The following FRAS1 variants were observed in gnomAD, a reference collection of about 807,000 sequenced individuals.
FRAS1 encodes extracellular matrix organizing protein FRAS1.
A neutral mutation model predicts 435.2 loss-of-function variants in FRAS1; 290 were observed. That is an observed-to-expected ratio of 0.67 (90% confidence interval 0.61 to 0.73). The LOEUF is 0.73. Ranked by LOEUF, FRAS1 falls within the 30% of genes least tolerant of loss-of-function variation. The probability of loss-of-function intolerance (pLI) is 0.00; values close to 1 mark genes in which losing one functional copy is unlikely to be tolerated. For synonymous variants in FRAS1, 1,800 were observed against 1,851.0 expected (o/e 0.97, Z 0.71); for missense variants, 4,860 against 5,001.5 (o/e 0.97, Z 0.85).
At chr4:78,460,716 T>A (rs1578338029) in intron 47 of FRAS1, among the ~76,000 whole-genome samples, 1 of 152,372 alleles carries the variant, frequency 6.6e-6, no homozygotes, top group Non-Finnish European at 1.5e-5. Flanking sequence ...CTGTGCAACA[T>A]GTTACTGTAC....
intron 29 of FRAS1, among the ~76,000 whole-genome samples, chr4:78,391,710 T>C (rs575121352): frequency 6.6e-6 from 1 of 152,306 alleles, no homozygotes; most frequent in East Asian, 1.9e-4. Flanking sequence ...TCCCCAAGTG[T>C]CATGCTAGGA....
intron 2 of FRAS1, among the ~76,000 whole-genome samples, chr4:78,128,616 G>T (rs1369196976): frequency 6.6e-6 from 1 of 152,034 alleles, no homozygotes; most frequent in African/African-American, 2.4e-5. Flanking sequence ...TTTTTTTCTT[G>T]TAAATTTGTT....
chr4:78,282,457 C>T, intron 11 of FRAS1, among the ~76,000 whole-genome samples: 1 of 152,186 alleles, frequency 6.6e-6, no homozygotes, highest in Middle Eastern at 3.2e-3. Context: ...ACCTGCTAAT[C>T]ACCAGCTACA....
At chr4:78,456,145 T>TTTC (rs1560738490) in intron 47 of FRAS1, among the ~76,000 whole-genome samples, 3 of 138,426 alleles carry the variant, frequency 2.2e-5, no homozygotes, top group Non-Finnish European at 3.1e-5. Flanking sequence ...TCACTTTTTT[T>TTTC]TTTTTTTTTT....
At position 78,069,072 on chromosome 4, in the gene FRAS1, C is replaced by T. The variant is rs377326773; in HGVS notation, c.108+3056C>T. Among the ~76,000 whole-genome samples the T allele has an allele frequency of 1.1e-3, 162 of 152,236 alleles. 1 individual carries two copies. The highest frequency in any genetic ancestry group is 3.9e-3 in the African/African-American group (160 of 41,540). ...TGACAAAGGCTTCTAGTGTAAGAGGCGTCATTTTCAAGAGCTGGCTCTGAG... is the reference window on the plus strand; with the variant it reads ...TGACAAAGGCTTCTAGTGTAAGAGGTGTCATTTTCAAGAGCTGGCTCTGAG... On this transcript the variant is annotated intron_variant, in intron 2 of 73. Coordinates refer to ENST00000512123, the MANE Select transcript of FRAS1 (RefSeq NM_025074.7).
intron 14 of FRAS1, among the ~76,000 whole-genome samples, chr4:78,294,975 A>G (rs910506093): frequency 2.6e-5 from 4 of 152,218 alleles, no homozygotes; most frequent in Non-Finnish European, 5.9e-5. Context: ...CTAATTTATA[A>G]AGATATCTTT....
chr4:78,517,289 C>A (rs1374881980), intron 66 of FRAS1, among the ~76,000 whole-genome samples: 1 of 152,156 alleles, frequency 6.6e-6, no homozygotes, highest in Non-Finnish European at 1.5e-5. Context: ...ATCGGTTTTC[C>A]ATTTCTCCAG....
intron 2 of FRAS1, among the ~76,000 whole-genome samples, chr4:78,137,246 T>G (rs1237462634): frequency 6.6e-6 from 1 of 152,196 alleles, no homozygotes; most frequent in African/African-American, 2.4e-5. Context: ...AGCTCCTACA[T>G]GATCATAGTC....
chr4:78,114,831 T>G (rs1406148333), intron 2 of FRAS1, among the ~76,000 whole-genome samples: 2 of 152,238 alleles, frequency 1.3e-5, no homozygotes, highest in African/African-American at 4.8e-5. Flanking sequence ...TTCCTTCTCC[T>G]GCCTGATTGC....
At chr4:78,462,581 A>G (rs1352379203) in intron 47 of FRAS1, among the ~76,000 whole-genome samples, 3 of 152,200 alleles carry the variant, frequency 2.0e-5, no homozygotes, top group Non-Finnish European at 2.9e-5. Context: ...GTGAGAATCC[A>G]GATGAGATTT....
chr4:78,376,363 T>A (rs1560690491), intron 26 of FRAS1, among the ~76,000 whole-genome samples: 1 of 152,196 alleles, frequency 6.6e-6, no homozygotes, highest in Non-Finnish European at 1.5e-5. Context: ...GTGAGTGTAC[T>A]GAATACTGTA....
rs117022458 is a variant in FRAS1, at chr4:78,434,512, C to A, written c.5217+1908C>A. On this transcript the variant is annotated intron_variant, in intron 38 of 73. Coordinates refer to ENST00000512123, the MANE Select transcript of FRAS1 (RefSeq NM_025074.7). ...CGGTAATAGCATTTCTATGAACCAGCCAAAAATAAAATTATTTGAAATATG... is the reference window on the plus strand; with the variant it reads ...CGGTAATAGCATTTCTATGAACCAGACAAAAATAAAATTATTTGAAATATG... Among the ~76,000 whole-genome samples the A allele has an allele frequency of 4.6e-3, 706 of 152,050 alleles. 10 individuals are homozygous for A. The highest frequency in any genetic ancestry group is 0.024 in the East Asian group (123 of 5,178).
chr4:78,370,457 A>T (rs991610249), intron 23 of FRAS1, among the ~76,000 whole-genome samples: 4 of 152,212 alleles, frequency 2.6e-5, no homozygotes, highest in Non-Finnish European at 5.9e-5. Flanking sequence ...TTGGATATGT[A>T]TCCTGACAGT....
chr4:78,443,997 C>T (rs1178875432), intron 41 of FRAS1: 2 of 347,666 alleles, frequency 5.8e-6, no homozygotes, highest in Non-Finnish European at 1.1e-5. Flanking sequence ...TACAGGCATC[C>T]GCCATCATGC....
intron 38 of FRAS1, among the ~76,000 whole-genome samples, chr4:78,437,051 A>G (rs1454799272): frequency 1.3e-5 from 2 of 152,220 alleles, no homozygotes; most frequent in South Asian, 2.1e-4. Flanking sequence ...TACCTCCAGT[A>G]TCTGGGATAT....
At chr4:78,181,384 A>AGATCC in intron 2 of FRAS1, 1 of 1,611,954 alleles carries the variant, frequency 6.2e-7, no homozygotes, top group East Asian at 2.2e-5. Flanking sequence ...CCCAGTTGTG[A>AGATCC]GATCCGCTAC....
At chr4:78,187,344 C>T (rs11098084) in intron 2 of FRAS1, among the ~76,000 whole-genome samples, 78,217 of 151,998 alleles carry the variant, frequency 0.51, 22,487 homozygotes, top group East Asian at 0.68. Context: ...TCTAATTGGG[C>T]GAGATGATGA....
chr4:78,239,967 A>G (rs899300807), intron 3 of FRAS1, among the ~76,000 whole-genome samples: 3 of 151,972 alleles, frequency 2.0e-5, no homozygotes, highest in African/African-American at 7.3e-5. Context: ...ATCTATTTTA[A>G]TGGTATTTTT....
In FRAS1 at chr4:78,066,016, G is replaced by A. The variant is rs758479235; in HGVS notation, c.108G>A (p.Ala36=). ...GTGTCTATCAGGATTCCTTGTTGGC[G>A]GTAGGTCATTCTTTACATACTTGGT... The part of the protein sequence containing the change: ...GACVYQDSLL[A]DATIWKPDSC... Residue 36 remains alanine, a splice_region_variant and synonymous_variant, in exon 2 of 74, where the codon GCG becomes GCA. Transcript: ENST00000512123. 1.4e-5 allele frequency: 23 copies of A among 1,602,660 alleles called. No individual in the cohort carries two copies. The highest frequency in any genetic ancestry group is 6.7e-5 in the Admixed American group (4 of 59,750).
Sources: gnomAD v4.1 joint callset for allele counts (sites outside exome capture counted in the v4.1 genomes callset) on GRCh38, gnomAD v4.1.1 for gene constraint, MANE v1.5 for transcripts, NCBI Gene and HGNC (gene_info 2026-07-23, HGNC 2026-07-21) for gene names.